STIL: variants seen among roughly 807,000 people sequenced by gnomAD.
STIL encodes the protein SCL-interrupting locus protein.
In STIL, 55 loss-of-function variants were observed where a neutral mutation model predicts 110.1. The observed-to-expected ratio is 0.50, with a 90% CI of 0.40 to 0.63. The LOEUF is 0.63. Ranked by LOEUF, STIL falls within the 20% of genes least tolerant of loss-of-function variation. STIL has a pLI of 0.00. For synonymous variants in STIL, 481 were observed against 530.0 expected (o/e 0.91, Z 1.27); for missense variants, 1,358 against 1,530.0 (o/e 0.89, Z 1.87).
chr1:47,283,457 A>G (rs1486431293), intron 10 of STIL: 7 of 152,246 alleles, frequency 4.6e-5, no homozygotes, highest in Non-Finnish European at 1.5e-5. Context: ...ATGATATTCC[A>G]AAGCGCTCAG....
At chr1:47,309,468 C>G in intron 2 of STIL, among the ~76,000 whole-genome samples, 1 of 151,974 alleles carries the variant, frequency 6.6e-6, no homozygotes, top group East Asian at 1.9e-4. Context: ...GGGGGTAGAA[C>G]ACAAGGGCCA....
At chr1:47,258,316 C>T (rs975992351) in intron 16 of STIL, among the ~76,000 whole-genome samples, 3 of 152,220 alleles carry the variant, frequency 2.0e-5, no homozygotes, top group Non-Finnish European at 4.4e-5. Flanking sequence ...TTTGAATGCA[C>T]ATACTCTTTG....
chr1:47,269,088 CAAA>C (rs60406768), intron 14 of STIL, among the ~76,000 whole-genome samples: 9 of 108,312 alleles, frequency 8.3e-5, no homozygotes, highest in Non-Finnish European at 1.2e-4. Flanking sequence ...GGGACTCCGT[CAAA>C]AAAAAAAAAA....
chr1:47,309,129 G>A (rs1646050313), intron 2 of STIL, among the ~76,000 whole-genome samples: 2 of 151,936 alleles, frequency 1.3e-5, no homozygotes, highest in South Asian at 4.2e-4. Context: ...TGCTTAAGGG[G>A]ATGGATACCC....
chr1:47,252,101 C>T (rs1644201384), intron 16 of STIL, among the ~76,000 whole-genome samples, 179 bp from the exon 17 acceptor site: 1 of 152,180 alleles, frequency 6.6e-6, no homozygotes, highest in African/African-American at 2.4e-5. Flanking sequence ...TACATATGGG[C>T]TGGGTATAGT....
rs749185060 is a variant in STIL at position 47,251,530 on chromosome 1, A to C, written c.3473T>G (p.Leu1158Arg). 2 of 1,614,204 alleles carry C rather than the reference A, an allele frequency of 1.2e-6. No homozygotes were observed. The highest frequency in any genetic ancestry group is 3.3e-5 in the Admixed American group (2 of 60,010). Reference protein sequence around the residue: ...SKSEYLLNQNLRSIPEQLGGQ... With the variant: ...SKSEYLLNQNRRSIPEQLGGQ... ...ACCAAGCTGTTCAGGTATGGACCTA[A>C]GGTTCTGATTCAATAAATATTCACT... The change falls in exon 17 of 17, where the codon CTT (leucine) becomes CGT (arginine). Residue 1158 changes from leucine to arginine, a missense_variant. Leu to Arg is a moderately radical substitution (Grantham distance 102). Transcript: ENST00000371877.
intron 1 of STIL, among the ~76,000 whole-genome samples, chr1:47,312,509 T>C (rs1490692776): frequency 6.6e-6 from 1 of 151,706 alleles, no homozygotes; most frequent in East Asian, 1.9e-4. Context: ...ACTTAAAAGG[T>C]TTAATGCAGC....
At chr1:47,264,823 G>A (rs1644588532) in intron 14 of STIL, among the ~76,000 whole-genome samples, 1 of 149,266 alleles carries the variant, frequency 6.7e-6, no homozygotes, top group Non-Finnish European at 1.5e-5. Context: ...GCTGAGCAAA[G>A]ATTAGATTTA....
chr1:47,295,839 G>A lies in STIL; in HGVS notation c.711C>T (p.Thr237=). The A allele has an allele frequency of 6.2e-7, 1 of 1,610,494 alleles. No homozygotes were observed. Among genetic ancestry groups the A allele is most frequent in the Middle Eastern group, 1.7e-4 (1 of 6,048 alleles). The change falls in exon 7 of 17, where the codon ACC becomes ACT. Residue 237 remains threonine, a synonymous_variant. Coordinates refer to ENST00000371877, the MANE Select transcript of STIL (RefSeq NM_001048166.1). ...VQGTYKYGYL[T]MDETRKLLLL... ...GTAACAATTTGCGTGTTTCATCCAT[G>A]GTAAGATATCTAAACAGAAGACATT... is the stretch of plus-strand genomic sequence containing the variant.
intron 14 of STIL, among the ~76,000 whole-genome samples, chr1:47,263,744 GTT>G (rs60915271): frequency 2.0e-5 from 2 of 98,312 alleles, no homozygotes; most frequent in African/African-American, 4.2e-5. Flanking sequence ...TTCATTCCAA[GTT>G]TTTTTTTTTT....
rs760927442 is a variant in STIL at position 47,289,450 on chromosome 1, T to C, written c.1008A>G (p.Thr336=). 10 of 1,613,836 alleles carry C rather than the reference T, an allele frequency of 6.2e-6. No homozygotes were observed. Among genetic ancestry groups the C allele is most frequent in the Middle Eastern group, 1.6e-4 (1 of 6,084 alleles). The change falls in exon 9 of 17, where the codon ACA becomes ACG. Residue 336 remains threonine, a synonymous_variant. Coordinates refer to ENST00000371877, the MANE Select transcript of STIL (RefSeq NM_001048166.1). Reference sequence around the variant, plus strand: ...AATCACTTACTTTGAAAAGATGTAATGTTTCCTTACTGGTTAGCAACTGAA... The same window carrying C: ...AATCACTTACTTTGAAAAGATGTAACGTTTCCTTACTGGTTAGCAACTGAA... ...FRFQLLTSKE[T]LHLFKNVEPP...
At chr1:47,279,218 G>GC (rs1287387980) in intron 12 of STIL, among the ~76,000 whole-genome samples, 2 of 150,088 alleles carry the variant, frequency 1.3e-5, no homozygotes, top group South Asian at 2.1e-4. Context: ...GGGAGGCGGA[G>GC]CTTGCAGTGA....
At position 47,251,686 on chromosome 1, in the gene STIL, A is replaced by G. The variant is rs548017446; in HGVS notation, c.3317T>C (p.Val1106Ala). Residue 1106 changes from valine to alanine, a missense_variant, in exon 17 of 17, where the codon GTG (valine) becomes GCG (alanine). Coordinates refer to ENST00000371877, the MANE Select transcript of STIL (RefSeq NM_001048166.1). ...GTTTGGTGAAATTAAACTAAGCCCC[A>G]CTGTGCTTCTGTCTGTATTAATATG... The part of the protein sequence containing the change: ...LLHINTDRST[V>A]GLSLISPNNM... 5.6e-6 allele frequency: 9 copies of G among 1,614,186 alleles called. No individual in the cohort carries two copies. Among genetic ancestry groups the G allele is most frequent in the Admixed American group, 1.7e-5 (1 of 60,020 alleles).
intron 12 of STIL, among the ~76,000 whole-genome samples, chr1:47,274,985 C>T (rs988316488): frequency 1.3e-5 from 2 of 151,766 alleles, no homozygotes; most frequent in African/African-American, 4.8e-5. Flanking sequence ...AACCCTGTCT[C>T]TACTAAAACC....
chr1:47,298,227 C>CA (rs1227725085), intron 6 of STIL, among the ~76,000 whole-genome samples: 1 of 152,166 alleles, frequency 6.6e-6, no homozygotes, highest in Non-Finnish European at 1.5e-5. Flanking sequence ...AGGGTGGAGT[C>CA]ACTGGGAAAG....
At chr1:47,264,407 T>C (rs142380002) in intron 14 of STIL, among the ~76,000 whole-genome samples, 315 of 152,270 alleles carry the variant, frequency 2.1e-3, no homozygotes, top group Non-Finnish European at 3.4e-3. Context: ...CAACAAAAGA[T>C]TTAAGATTAA....
chr1:47,297,310 A>C (rs1382055165), intron 6 of STIL, among the ~76,000 whole-genome samples: 1 of 150,636 alleles, frequency 6.6e-6, no homozygotes, highest in Admixed American at 6.7e-5. Flanking sequence ...GTGCCACTGC[A>C]CTCCAGCCTG....
intron 12 of STIL, among the ~76,000 whole-genome samples, chr1:47,279,471 C>T (rs1645087426): frequency 6.6e-6 from 1 of 151,960 alleles, no homozygotes; most frequent in South Asian, 2.1e-4. Context: ...AGAAAAAAGA[C>T]AACACTTACA....
chr1:47,269,968 G>C, intron 13 of STIL, 102 bp from the exon 14 acceptor site: 3 of 1,084,770 alleles, frequency 2.8e-6, no homozygotes, highest in Non-Finnish European at 4.2e-6. Context: ...TGGGTGCAAT[G>C]GCTCACGCCT....
Sources: gnomAD v4.1 joint callset for allele counts (sites outside exome capture counted in the v4.1 genomes callset) on GRCh38, gnomAD v4.1.1 for gene constraint, MANE v1.5 for transcripts, NCBI Gene and HGNC (gene_info 2026-07-23, HGNC 2026-07-21) for gene names.